The following YIPF1 variants were observed in gnomAD, a reference collection of about 807,000 sequenced individuals.
YIPF1 encodes the protein protein YIPF1.
YIPF1 carries 22 observed loss-of-function variants against 37.0 expected under a neutral mutation model. That is an observed-to-expected ratio of 0.59 (90% CI 0.42 to 0.85). The LOEUF is 0.85. Among genes scored for constraint, YIPF1 ranks in the 40% least tolerant of loss-of-function variants. The pLI is 0.00. For missense variants in YIPF1, 355 were observed against 373.1 expected (o/e 0.95, Z 0.40); for synonymous variants, 128 against 131.9 (o/e 0.97, Z 0.21).
chr1:53,853,576 T>A (rs140253252), intron 10 of YIPF1, among the ~76,000 whole-genome samples: 6 of 152,336 alleles, frequency 3.9e-5, no homozygotes, highest in East Asian at 3.9e-4. Flanking sequence ...TAGGCCTTCC[T>A]GGAGACATCA....
chr1:53,858,486 G>T (rs1649781946), intron 10 of YIPF1, among the ~76,000 whole-genome samples: 1 of 152,172 alleles, frequency 6.6e-6, no homozygotes, highest in Non-Finnish European at 1.5e-5. Flanking sequence ...TTAACTATGT[G>T]CCAGGAGCTT....
chr1:53,886,596 A>G (rs1375853847), intron 3 of YIPF1: 1 of 116,156 alleles, frequency 8.6e-6, no homozygotes, highest in African/African-American at 3.5e-5. Flanking sequence ...GTGCTTTTCT[A>G]AAGACCCAAG....
chr1:53,867,359 C>T (rs956919760), intron 7 of YIPF1, among the ~76,000 whole-genome samples: 2 of 149,700 alleles, frequency 1.3e-5, no homozygotes, highest in African/African-American at 2.5e-5. Flanking sequence ...AGAGCTGACA[C>T]TGACTTCCTT....
chr1:53,877,991 A>G (rs1333573798), intron 6 of YIPF1, among the ~76,000 whole-genome samples: 1 of 152,170 alleles, frequency 6.6e-6, no homozygotes, highest in Non-Finnish European at 1.5e-5. Context: ...TATGTTGCCC[A>G]GACTGGTCTC....
chr1:53,885,384 G>C (rs184145759), intron 3 of YIPF1, among the ~76,000 whole-genome samples: 1 of 152,248 alleles, frequency 6.6e-6, no homozygotes, highest in Admixed American at 6.5e-5. Context: ...CACACAAACT[G>C]GTGGTCCCAG....
chr1:53,853,949 A>G (rs914855363), intron 10 of YIPF1, among the ~76,000 whole-genome samples: 1 of 152,154 alleles, frequency 6.6e-6, no homozygotes, highest in Non-Finnish European at 1.5e-5. Context: ...GAATATGAAG[A>G]CTAGAAAATT....
chr1:53,886,702 A>C (rs2100745726), intron 3 of YIPF1: 1 of 152,030 alleles, frequency 6.6e-6, no homozygotes, highest in South Asian at 2.1e-4. Context: ...GTGATCTGGA[A>C]CACAAGTGTT....
At chr1:53,857,192 C>G (rs1199342810) in intron 10 of YIPF1, among the ~76,000 whole-genome samples, 1 of 152,216 alleles carries the variant, frequency 6.6e-6, no homozygotes, top group Non-Finnish European at 1.5e-5. Flanking sequence ...GTCTAGACTT[C>G]AGGTGAGACA....
chr1:53,864,050 G>A (rs1049344414), intron 9 of YIPF1, among the ~76,000 whole-genome samples: 5 of 152,126 alleles, frequency 3.3e-5, no homozygotes, highest in African/African-American at 1.2e-4. Flanking sequence ...CCTGAAGTGG[G>A]TTCTTAATAA....
chr1:53,881,244 CAAAA>C (rs747288925), intron 4 of YIPF1, among the ~76,000 whole-genome samples: 7 of 96,312 alleles, frequency 7.3e-5, no homozygotes, highest in African/African-American at 2.8e-4. Flanking sequence ...GACTCCATCT[CAAAA>C]AAAAAAAAAA....
chr1:53,881,186 C>A (rs1321282862), intron 4 of YIPF1, among the ~76,000 whole-genome samples: 1 of 148,382 alleles, frequency 6.7e-6, no homozygotes, highest in East Asian at 2.0e-4. Flanking sequence ...TCGCTTGAAC[C>A]CAGGAGGCGG....
At position 53,863,574 on chromosome 1, in the gene YIPF1, C is replaced by G. The variant is rs140101532; in HGVS notation, c.831+2626G>C. Among the ~76,000 whole-genome samples, 794 of 152,304 alleles carry G rather than the reference C, an allele frequency of 5.2e-3. 6 individuals are homozygous for G. Among genetic ancestry groups the G allele is most frequent in the Non-Finnish European group, 8.2e-3 (558 of 68,032 alleles). On this transcript the variant is annotated intron_variant, in intron 9 of 10. Coordinates refer to ENST00000072644, the MANE Select transcript of YIPF1 (RefSeq NM_018982.5). ...TCTTGCCTAGGTTTGCAGCGCTGAG[C>G]ATCTCTCAGTCCAGGGCACTCCCTG... is the stretch of plus-strand genomic sequence containing the variant.
chr1:53,878,946 C>T (rs2316993), intron 4 of YIPF1, among the ~76,000 whole-genome samples: 58,687 of 151,860 alleles, frequency 0.39, 11,575 homozygotes, highest in East Asian at 0.57. Context: ...CAAATCCTGG[C>T]CCCTCCACTG....
intron 10 of YIPF1, among the ~76,000 whole-genome samples, chr1:53,856,015 A>G (rs1337795757): frequency 2.0e-5 from 3 of 152,198 alleles, no homozygotes; most frequent in Non-Finnish European, 4.4e-5. Context: ...TTTCAGTGAA[A>G]GCTGGGAGTC....
intron 5 of YIPF1, 65 bp downstream of exon 5, chr1:53,878,577 G>GT (rs1327612439): frequency 6.5e-7 from 1 of 1,549,276 alleles, no homozygotes; most frequent in African/African-American, 1.4e-5. Context: ...TTATTTGGTT[G>GT]TTCAACCATT....
chr1:53,866,888 C>G lies in YIPF1; in HGVS notation c.518G>C (p.Trp173Ser). Residue 173 changes from tryptophan to serine, a missense_variant, in exon 8 of 11, where the codon TGG (tryptophan) becomes TCG (serine). Trp to Ser is a radical substitution (Grantham distance 177). Transcript: ENST00000072644. Reference sequence around the variant, plus strand: ...ACCCCAGAGTGCAAGAGGAACCAGCCAGGCATAGGCATAGATGATGGTAGC... The same window carrying G: ...ACCCCAGAGTGCAAGAGGAACCAGCGAGGCATAGGCATAGATGATGGTAGC... Reference protein sequence around the residue: ...IAATIIYAYAWLVPLALWGFL... With the variant: ...IAATIIYAYASLVPLALWGFL... The G allele has an allele frequency of 6.2e-7, 1 of 1,613,870 alleles. No homozygotes were observed. The highest frequency in any genetic ancestry group is 1.1e-5 in the South Asian group (1 of 91,050).
At chr1:53,871,302 G>T in intron 7 of YIPF1, 70 bp downstream of exon 7, 1 of 1,373,314 alleles carries the variant, frequency 7.3e-7, no homozygotes, top group Non-Finnish European at 1.0e-6. Flanking sequence ...GGGCCCAGGA[G>T]CTCAGTGGGT....
chr1:53,869,131 TTCTCTC>T (rs759374987), intron 7 of YIPF1, among the ~76,000 whole-genome samples: 70 of 139,544 alleles, frequency 5.0e-4, no homozygotes, highest in Non-Finnish European at 8.0e-4. Context: ...CATGGATACA[TTCTCTC>T]TCTCTCTCTC....
rs1650432548 is a variant in YIPF1 at position 53,879,594 on chromosome 1, A to G, written c.196-872T>C. ...ACACAGCTCTTTGGTGGCAGAATGC[A>G]TGCCCAATGCCAGGAATTGTGCCTG... On this transcript the variant is annotated intron_variant, in intron 4 of 10. Coordinates refer to ENST00000072644, the MANE Select transcript of YIPF1 (RefSeq NM_018982.5). Among the ~76,000 whole-genome samples, 2 of 152,244 alleles carry G rather than the reference A, an allele frequency of 1.3e-5. 1 individual carries two copies. Among genetic ancestry groups the G allele is most frequent in the Admixed American group, 1.3e-4 (2 of 15,284 alleles).
Sources: allele counts gnomAD v4.1 joint callset (sites outside exome capture counted in the v4.1 genomes callset), GRCh38; gene constraint gnomAD v4.1.1; transcripts MANE v1.5; gene names NCBI Gene and HGNC (gene_info 2026-07-23, HGNC 2026-07-21).